The following GPC4 variants were observed in gnomAD, a reference collection of about 807,000 sequenced individuals.
GPC4 encodes glypican 4.
Under a neutral mutation model 35.0 loss-of-function variants are expected in GPC4, and 10 were observed. The observed-to-expected ratio is 0.29, with a 90% CI of 0.18 to 0.48. The LOEUF (loss-of-function observed/expected upper bound fraction) is 0.48, where lower values mean the gene tolerates loss of function less well. GPC4 is among the 20% of genes least tolerant of loss of function. GPC4 has a pLI of 0.99. For synonymous variants in GPC4, 167 were observed against 170.2 expected (o/e 0.98, Z 0.15); for missense variants, 322 against 451.3 (o/e 0.71, Z 2.60).
chrX:133,359,352 G>A (rs2068556404), intron 1 of GPC4, among the ~76,000 whole-genome samples: 1 of 110,767 alleles, frequency 9.0e-6, no homozygotes, highest in Admixed American at 9.7e-5. Context: ...ATATTGGCGG[G>A]GGAGGTGGTG....
chrX:133,337,112 C>A (rs1377177778), intron 2 of GPC4, among the ~76,000 whole-genome samples: 1 of 112,187 alleles, frequency 8.9e-6, no homozygotes, highest in Non-Finnish European at 1.9e-5. Flanking sequence ...AACCACCATG[C>A]CCAGCCTATG....
chrX:133,354,568 A>ATTTATTTATT (rs781240039), intron 1 of GPC4, among the ~76,000 whole-genome samples: 1 of 95,200 alleles, frequency 1.1e-5, no homozygotes, highest in African/African-American at 4.2e-5. Context: ...TTATTTATTT[A>ATTTATTTATT]TTTTTTTTTT....
chrX:133,348,186 A>G (rs993700484), intron 1 of GPC4, among the ~76,000 whole-genome samples: 15 of 112,362 alleles, frequency 1.3e-4, no homozygotes, highest in African/African-American at 3.6e-4. Flanking sequence ...AATGATAAGC[A>G]AATTGTCAAC....
In GPC4 at chrX:133,414,954, G is replaced by A. The variant is rs1240078663; in HGVS notation, c.12C>T (p.Phe4=). 4 of 1,209,096 alleles carry A rather than the reference G, an allele frequency of 3.3e-6. No homozygotes were observed. Among genetic ancestry groups the A allele is most frequent in the African/African-American group, 3.5e-5 (2 of 57,458 alleles). The part of the protein sequence containing the change: MAR[F]GLPALLCTLA... ...GGGTGCAGAGAAGCGCGGGCAAGCC[G>A]AACCGTGCCATGGTGCGGGCCGGGG... is the stretch of plus-strand genomic sequence containing the variant. The change falls in exon 1 of 9, where the codon TTC becomes TTT. Residue 4 remains phenylalanine, a synonymous_variant. Coordinates refer to ENST00000370828, the MANE Select transcript of GPC4 (RefSeq NM_001448.3).
At chrX:133,325,300 CAGAG>C (rs72381343) in intron 2 of GPC4, among the ~76,000 whole-genome samples, 15 of 107,336 alleles carry the variant, frequency 1.4e-4, no homozygotes, top group South Asian at 8.2e-4. Flanking sequence ...GAGAGAGAGA[CAGAG>C]AGAGAGAGAG....
chrX:133,354,670 G>A (rs1387017102), intron 1 of GPC4, among the ~76,000 whole-genome samples: 2 of 106,431 alleles, frequency 1.9e-5, no homozygotes, highest in African/African-American at 7.0e-5. Flanking sequence ...CCGGGTTCAC[G>A]CCATTCTCCT....
rs975355748 is a variant in GPC4, at chrX:133,342,032, A to ATT, written c.161-2693_161-2692dup. On this transcript the variant is annotated intron_variant, in intron 1 of 8. Transcript: ENST00000370828. ...TGGGGCACGTCTTTGTTTTGGCACTATTTTTTTTTTTTTTTTTTTTTTGAG... is the reference window on the plus strand; with the variant it reads ...TGGGGCACGTCTTTGTTTTGGCACTATTTTTTTTTTTTTTTTTTTTTTTTGAG... Among the ~76,000 whole-genome samples, 272 of 72,806 alleles carry ATT rather than the reference A, an allele frequency of 3.7e-3. 1 individual carries two copies. Among genetic ancestry groups the ATT allele is most frequent in the Non-Finnish European group, 5.9e-3 (222 of 37,372 alleles). The allele number at this position is 72,806 out of a possible 115,157, so 63.2% of individuals were successfully genotyped here. A position where few individuals can be genotyped will look rare whatever the true frequency, so the allele number is the denominator to read the frequency against.
intron 1 of GPC4, among the ~76,000 whole-genome samples, chrX:133,354,414 C>T (rs1459157384): frequency 9.0e-6 from 1 of 111,654 alleles, no homozygotes; most frequent in South Asian, 3.7e-4. Context: ...CTGTGCTTAT[C>T]GGTTTGAAAT....
At chrX:133,312,199 T>A (rs2068317695) in intron 3 of GPC4, among the ~76,000 whole-genome samples, 1 of 110,885 alleles carries the variant, frequency 9.0e-6, no homozygotes, top group African/African-American at 3.3e-5. Context: ...TTCAATGAAA[T>A]GAACAAAACC....
chrX:133,395,919 G>T (rs1191838559), intron 1 of GPC4, among the ~76,000 whole-genome samples: 1 of 111,464 alleles, frequency 9.0e-6, no homozygotes, highest in African/African-American at 3.3e-5. Context: ...GATATGAGAT[G>T]AGAAAGGACA....
In GPC4 at chrX:133,303,073, G is replaced by A. The variant is rs776594264; in HGVS notation, c.1469-4C>T. On this transcript the variant is annotated splice_region_variant and splice_polypyrimidine_tract_variant and intron_variant, in intron 8 of 8. Transcript: ENST00000370828. ...CCTTCTCCACTACTTTCATCACCTA[G>A]TTTAAAAAAAAATGGAATAGAAATT... 4 of 1,208,117 alleles carry A rather than the reference G, an allele frequency of 3.3e-6. No homozygotes were observed. In the East Asian group the frequency reaches 1.2e-4, roughly 36 times the overall value.
At chrX:133,314,329 C>T (rs1286042537) in intron 3 of GPC4, among the ~76,000 whole-genome samples, 4 of 111,928 alleles carry the variant, frequency 3.6e-5, no homozygotes, top group Admixed American at 2.8e-4. Flanking sequence ...AGTTCAATTG[C>T]AAGTCAAATC....
intron 2 of GPC4, among the ~76,000 whole-genome samples, chrX:133,327,252 A>G (rs1035326390): frequency 4.5e-5 from 5 of 111,498 alleles, no homozygotes; most frequent in African/African-American, 1.6e-4. Flanking sequence ...TAATTCTCAA[A>G]ACTCACTTGC....
chrX:133,313,917 T>C (rs2068326563), intron 3 of GPC4, among the ~76,000 whole-genome samples: 1 of 112,101 alleles, frequency 8.9e-6, no homozygotes, highest in African/African-American at 3.2e-5. Flanking sequence ...AATGGCTAGA[T>C]TTTAAAGAGG....
chrX:133,414,378 C>G (rs1415788406), intron 1 of GPC4: 1 of 548,967 alleles, frequency 1.8e-6, no homozygotes, highest in African/African-American at 2.6e-5. Flanking sequence ...CCACCCCCAC[C>G]CGGCCTCTCC....
At chrX:133,306,227 C>T in intron 4 of GPC4, 73 bp from the exon 5 acceptor site, 1 of 1,117,570 alleles carries the variant, frequency 8.9e-7, no homozygotes, top group Admixed American at 2.3e-5. Flanking sequence ...GTAAATCAAT[C>T]TGATTTTTTT....
At chrX:133,361,131 A>C (rs2068565515) in intron 1 of GPC4, among the ~76,000 whole-genome samples, 2 of 112,301 alleles carry the variant, frequency 1.8e-5, no homozygotes, top group Non-Finnish European at 3.8e-5. Context: ...CTGCAACTTA[A>C]CAGCTTCACA....
intron 1 of GPC4, among the ~76,000 whole-genome samples, chrX:133,384,496 A>G (rs1352883096): frequency 2.7e-5 from 3 of 111,706 alleles, no homozygotes; most frequent in African/African-American, 9.8e-5. Flanking sequence ...AAGGATGCAC[A>G]ATTACCTGAG....
intron 1 of GPC4, among the ~76,000 whole-genome samples, chrX:133,401,620 T>C (rs2068768047): frequency 8.9e-6 from 1 of 112,093 alleles, no homozygotes; most frequent in African/African-American, 3.2e-5. Context: ...ACCTAAAGAA[T>C]ACACGAACAT....
Sources: gnomAD v4.1 joint callset for allele counts (sites outside exome capture counted in the v4.1 genomes callset) on GRCh38, gnomAD v4.1.1 for gene constraint, MANE v1.5 for transcripts, NCBI Gene and HGNC (gene_info 2026-07-23, HGNC 2026-07-21) for gene names.